Variants in WDHD1 observed in about 807,000 individuals in gnomAD.
WDHD1 encodes the protein WD repeat and HMG-box DNA binding protein 1.
A neutral mutation model predicts 135.4 loss-of-function variants in WDHD1; 111 were observed. The observed-to-expected ratio is 0.82, with a 90% CI of 0.70 to 0.96. WDHD1 has a LOEUF of 0.96. Ranked by LOEUF, WDHD1 falls within the 40% of genes least tolerant of loss-of-function variation. The probability of loss-of-function intolerance (pLI) is 0.00; values close to 1 mark genes in which losing one functional copy is unlikely to be tolerated. For missense variants in WDHD1, 1,351 were observed against 1,336.3 expected (o/e 1.01, Z -0.17); for synonymous variants, 434 against 439.0 (o/e 0.99, Z 0.14).
chr14:55,002,306 G>T, intron 7 of WDHD1, 121 bp from the exon 8 acceptor site: 1 of 715,206 alleles, frequency 1.4e-6, no homozygotes, highest in Non-Finnish European at 2.2e-6. Context: ...AGTTTTTATT[G>T]TTTCTGTTTT....
At chr14:55,002,251 G>T in intron 7 of WDHD1, 66 bp from the exon 8 acceptor site, 1 of 1,120,186 alleles carries the variant, frequency 8.9e-7, no homozygotes, top group Non-Finnish European at 1.3e-6. Context: ...AAGGAAAAAG[G>T]CACAAAATTC....
intron 2 of WDHD1, among the ~76,000 whole-genome samples, chr14:55,016,075 A>G (rs922118422): frequency 9.9e-5 from 15 of 152,246 alleles, no homozygotes; most frequent in African/African-American, 3.6e-4. Flanking sequence ...GGTGGGACCA[A>G]TGGAAAATTA....
chr14:55,022,056 T>C (rs766157221), intron 2 of WDHD1, among the ~76,000 whole-genome samples: 40 of 152,236 alleles, frequency 2.6e-4, no homozygotes, highest in Non-Finnish European at 1.5e-4. Context: ...CGAGACATTG[T>C]GTTTGGGGGC....
At chr14:55,026,925 C>G in intron 1 of WDHD1, 103 bp downstream of exon 1, 1 of 841,592 alleles carries the variant, frequency 1.2e-6, no homozygotes, top group Non-Finnish European at 2.0e-6. Flanking sequence ...TTCCCCCACC[C>G]GAGTGACACC....
chr14:54,984,910 T>C lies in WDHD1; in HGVS notation c.1769-50A>G, dbSNP rs181323631. The C allele has an allele frequency of 1.8e-4, 283 of 1,585,360 alleles. 1 individual carries two copies. The African/African-American group carries it at 3.3e-3, about 19-fold the overall frequency. The stretch of plus-strand genomic sequence containing the variant: ...TCAGGCATCAAAGGTTATCCAACTA[T>C]AACGCAGTCTAAATTATTTTCTGTG... On this transcript the variant is annotated intron_variant, in intron 14 of 25. Coordinates refer to ENST00000360586, the MANE Select transcript of WDHD1 (RefSeq NM_007086.4).
chr14:55,008,035 T>C (rs938951631), intron 6 of WDHD1, among the ~76,000 whole-genome samples: 5 of 152,250 alleles, frequency 3.3e-5, no homozygotes, highest in African/African-American at 1.2e-4. Context: ...CATTACATTG[T>C]AAATATAAAA....
At chr14:54,969,073 T>C (rs1241335737) in intron 16 of WDHD1, among the ~76,000 whole-genome samples, 1 of 151,920 alleles carries the variant, frequency 6.6e-6, no homozygotes, top group East Asian at 1.9e-4. Context: ...GAGTCTCGCT[T>C]TGTTGCCCAG....
chr14:54,995,510 T>G, intron 11 of WDHD1, 93 bp downstream of exon 11: 1 of 1,011,314 alleles, frequency 9.9e-7, no homozygotes. Context: ...CTTAGCTACA[T>G]TCTACAAATT....
Position 54,996,403 on chromosome 14 carries a change from T to TTCGAGACCAGCCTGGACAACA in WDHD1, c.943-611_943-591dup, listed in dbSNP as rs570417134. 3.1e-3 allele frequency among the ~76,000 whole-genome samples: 473 copies of TTCGAGACCAGCCTGGACAACA among 152,030 alleles called. 2 individuals carry two copies. The highest frequency in any genetic ancestry group is 0.011 in the African/African-American group (450 of 41,448). ...CAGGTGGATGCCTTGAGCTCAGGAG[T>TTCGAGACCAGCCTGGACAACA]TCGAGACCAGCCTGGACAACATGAT... On this transcript the variant is annotated intron_variant, in intron 10 of 25. Coordinates refer to ENST00000360586, the MANE Select transcript of WDHD1 (RefSeq NM_007086.4).
At chr14:55,005,728 A>G (rs1488716919) in intron 7 of WDHD1, 9 of 442,318 alleles carry the variant, frequency 2.0e-5, no homozygotes, top group South Asian at 1.2e-4. Context: ...AATCCAGAAC[A>G]ACATCATAAG....
chr14:55,007,436 G>T, intron 6 of WDHD1, 61 bp from the exon 7 acceptor site: 1 of 1,192,036 alleles, frequency 8.4e-7, no homozygotes, highest in Non-Finnish European at 1.2e-6. Context: ...AATATATGCA[G>T]AACTGAATAT....
At chr14:54,997,616 T>TA (rs949476796) in intron 10 of WDHD1, among the ~76,000 whole-genome samples, 5 of 151,846 alleles carry the variant, frequency 3.3e-5, no homozygotes, top group Middle Eastern at 3.4e-3. Flanking sequence ...ATTTTCTAAT[T>TA]AAAAAAAATG....
intron 24 of WDHD1, among the ~76,000 whole-genome samples, chr14:54,947,888 G>C (rs773374028): frequency 4.6e-5 from 7 of 151,754 alleles, no homozygotes; most frequent in Non-Finnish European, 1.0e-4. Flanking sequence ...CACTGTGCCA[G>C]GCCAAAATTG....
At chr14:54,957,727 T>A in intron 21 of WDHD1, 92 bp from the exon 22 acceptor site, 1 of 1,072,380 alleles carries the variant, frequency 9.3e-7, no homozygotes. Flanking sequence ...TAATCCCCAT[T>A]AAATGAAAAC....
chr14:54,960,207 G>A (rs886877876), intron 21 of WDHD1, among the ~76,000 whole-genome samples: 2 of 151,908 alleles, frequency 1.3e-5, no homozygotes, highest in South Asian at 2.1e-4. Context: ...TCGCTCTGTC[G>A]CCCAGGCTGG....
chr14:54,991,075 C>T (rs1566730345), intron 12 of WDHD1, 138 bp downstream of exon 12: 3 of 523,658 alleles, frequency 5.7e-6, no homozygotes, highest in South Asian at 3.8e-5. Context: ...AAACCAACCA[C>T]AAAACTGTAA....
chr14:55,011,006 T>C (rs964750291), intron 3 of WDHD1, among the ~76,000 whole-genome samples: 4 of 152,214 alleles, frequency 2.6e-5, no homozygotes, highest in African/African-American at 9.7e-5. Context: ...TGGAACATAT[T>C]CTCCCTCAGA....
intron 8 of WDHD1, 52 bp downstream of exon 8, chr14:55,002,041 C>G: frequency 7.9e-7 from 1 of 1,273,510 alleles, no homozygotes; most frequent in Non-Finnish European, 1.1e-6. Context: ...AGGCAAACTA[C>G]GCATTAACTG....
chr14:54,964,774 C>T (rs1382999695), intron 18 of WDHD1, among the ~76,000 whole-genome samples: 3 of 152,182 alleles, frequency 2.0e-5, no homozygotes, highest in Non-Finnish European at 4.4e-5. Flanking sequence ...TCAAGATATC[C>T]TCCTGCCCTG....
Sources: gnomAD v4.1 joint callset for allele counts (sites outside exome capture counted in the v4.1 genomes callset) on GRCh38, gnomAD v4.1.1 for gene constraint, MANE v1.5 for transcripts, NCBI Gene and HGNC (gene_info 2026-07-23, HGNC 2026-07-21) for gene names.